The following LDLRAD4 variants were observed in gnomAD, a reference collection of about 807,000 sequenced individuals.
LDLRAD4 encodes low density lipoprotein receptor class A domain containing 4.
Under a neutral mutation model 17.0 loss-of-function variants are expected in LDLRAD4, and 5 were observed. That is an observed-to-expected ratio of 0.29 (90% CI 0.15 to 0.62). LDLRAD4 has a LOEUF of 0.62. Among genes scored for constraint, LDLRAD4 ranks in the 20% least tolerant of loss-of-function variants. LDLRAD4 has a pLI of 0.84. For synonymous variants in LDLRAD4, 168 were observed against 171.8 expected, an observed-to-expected ratio of 0.98 and a Z score of 0.17; for missense variants, 340 against 424.7, an observed-to-expected ratio of 0.80 and a Z score of 1.75.
chr18:13,218,387 G>C (rs1389771266), upstream of LDLRAD4, among the ~76,000 whole-genome samples: 1 of 152,198 alleles, frequency 6.6e-6, no homozygotes, highest in East Asian at 1.9e-4. Flanking sequence ...CCCGTTTTCT[G>C]TTTCCTGGTG....
At chr18:13,446,767 G>A (rs1471331709) in intron 3 of LDLRAD4, among the ~76,000 whole-genome samples, 3 of 152,250 alleles carry the variant, frequency 2.0e-5, no homozygotes, top group East Asian at 1.9e-4. Flanking sequence ...TTCACCTGCT[G>A]CGGGCGCCAA....
At chr18:13,499,505 TGC>T (rs2093572936) in intron 3 of LDLRAD4, among the ~76,000 whole-genome samples, 1 of 70,720 alleles carries the variant, frequency 1.4e-5, no homozygotes, top group African/African-American at 5.7e-5. Flanking sequence ...GAATCCTTCT[TGC>T]CACACACGTC....
chr18:13,604,612 G>T (rs1568394939), intron 3 of LDLRAD4, among the ~76,000 whole-genome samples: 1 of 152,194 alleles, frequency 6.6e-6, no homozygotes, highest in South Asian at 2.1e-4. Flanking sequence ...CCAGAAATAA[G>T]ATGAATTACG....
intron 1 of LDLRAD4, among the ~76,000 whole-genome samples, chr18:13,328,947 C>T (rs189368637): frequency 2.0e-4 from 31 of 152,218 alleles, no homozygotes; most frequent in Admixed American, 1.6e-3. Context: ...CTGTTTTACA[C>T]CTTGCTTTGT....
Position 13,226,777 on chromosome 18 carries a change from G to A in LDLRAD4, c.-467+7789G>A, listed in dbSNP as rs571313481. Reference sequence around the variant, plus strand: ...ATAAAATAGAATTAAATTCTACTCAGGTAGGTTCAGGGCAATAAACATTCT... The same window carrying A: ...ATAAAATAGAATTAAATTCTACTCAAGTAGGTTCAGGGCAATAAACATTCT... On this transcript the variant is annotated intron_variant, in intron 1 of 5. Coordinates refer to the LDLRAD4 transcript ENST00000399848. Among the ~76,000 whole-genome samples, 121 of 148,412 alleles carry A rather than the reference G, an allele frequency of 8.2e-4. 2 individuals carry two copies. In the South Asian group the frequency reaches 0.024, roughly 30 times the overall value.
chr18:13,305,464 A>G (rs2046857642), intron 1 of LDLRAD4, among the ~76,000 whole-genome samples: 1 of 152,254 alleles, frequency 6.6e-6, no homozygotes, highest in Admixed American at 6.5e-5. Context: ...GTTCTTCTCA[A>G]CAGTAAATTT....
At chr18:13,619,001 A>T (rs1601746021) in intron 3 of LDLRAD4, among the ~76,000 whole-genome samples, 2 of 152,226 alleles carry the variant, frequency 1.3e-5, no homozygotes, top group South Asian at 4.1e-4. Flanking sequence ...CAGCCAGTGC[A>T]GCCTTATCCT....
At chr18:13,575,501 G>A (rs990438884) in intron 3 of LDLRAD4, among the ~76,000 whole-genome samples, 11 of 152,174 alleles carry the variant, frequency 7.2e-5, no homozygotes, top group African/African-American at 2.7e-4. Flanking sequence ...CCATATCTTT[G>A]CAGCTGTGAA....
chr18:13,226,180 C>CTCTTTTTTTTTTTTTT (rs71370946), intron 1 of LDLRAD4, among the ~76,000 whole-genome samples: 2 of 52,210 alleles, frequency 3.8e-5, no homozygotes, highest in African/African-American at 1.6e-4. Context: ...CCATGCCTTG[C>CTCTTTTTTTTTTTTTT]TTTTTTTTTT....
chr18:13,305,916 G>A (rs188446251), intron 1 of LDLRAD4, among the ~76,000 whole-genome samples: 4 of 152,264 alleles, frequency 2.6e-5, no homozygotes, highest in East Asian at 1.9e-4. Context: ...TTGAGAAAAA[G>A]CAAAGTCGTT....
intron 1 of LDLRAD4, among the ~76,000 whole-genome samples, chr18:13,232,005 T>G (rs908776132): frequency 2.0e-5 from 3 of 152,216 alleles, no homozygotes; most frequent in African/African-American, 7.2e-5. Flanking sequence ...GGCACCCACC[T>G]AGTCGATGTC....
At chr18:13,567,735 A>C (rs947519987) in intron 3 of LDLRAD4, among the ~76,000 whole-genome samples, 5 of 137,384 alleles carry the variant, frequency 3.6e-5, no homozygotes, top group African/African-American at 1.3e-4. Context: ...AAATTGAGCT[A>C]TGAGAACTTT....
rs117281927 is a variant in LDLRAD4, at chr18:13,563,308, G to A, written c.182-57809G>A. Among the ~76,000 whole-genome samples the A allele has an allele frequency of 6.5e-3, 995 of 152,288 alleles. 11 individuals carry two copies. The highest frequency in any genetic ancestry group is 0.032 in the South Asian group (154 of 4,824). ...GACAGTTAGACCCAGTTTAATTGTG[G>A]ATGGATGGTAGGATTCCAGACACTT... On this transcript the variant is annotated intron_variant, in intron 3 of 5. Transcript: ENST00000359446.
At chr18:13,593,625 T>G (rs1254555964) in intron 3 of LDLRAD4, among the ~76,000 whole-genome samples, 4 of 152,094 alleles carry the variant, frequency 2.6e-5, no homozygotes, top group Admixed American at 1.3e-4. Context: ...TATCTGTCTA[T>G]CTAGCTAGCT....
chr18:13,576,242 G>A (rs2094768306), intron 3 of LDLRAD4, among the ~76,000 whole-genome samples: 2 of 151,972 alleles, frequency 1.3e-5, no homozygotes, highest in Admixed American at 1.3e-4. Flanking sequence ...GGTAACACGG[G>A]GAAACCTGTC....
intron 3 of LDLRAD4, among the ~76,000 whole-genome samples, chr18:13,443,493 G>T (rs1299917135): frequency 3.3e-5 from 5 of 152,082 alleles, no homozygotes; most frequent in Non-Finnish European, 7.4e-5. Flanking sequence ...CTCTATATTA[G>T]AGAATAGTCA....
At chr18:13,257,849 T>A (rs776250002) in intron 1 of LDLRAD4, among the ~76,000 whole-genome samples, 34 of 152,180 alleles carry the variant, frequency 2.2e-4, no homozygotes, top group African/African-American at 8.0e-4. Context: ...GTGCCCAGGT[T>A]GAGAAACCTG....
intron 3 of LDLRAD4, among the ~76,000 whole-genome samples, chr18:13,467,710 A>G (rs371950534): frequency 2.4e-4 from 36 of 152,220 alleles, no homozygotes; most frequent in East Asian, 7.7e-4. Context: ...GAACAAAGTC[A>G]GAGGACTCAC....
At chr18:13,640,159 G>A (rs1297463585) in intron 4 of LDLRAD4, among the ~76,000 whole-genome samples, 1 of 151,962 alleles carries the variant, frequency 6.6e-6, no homozygotes, top group African/African-American at 2.4e-5. Flanking sequence ...TGGGTGTGGT[G>A]GCGGGCGCCT....
Sources: gnomAD v4.1 joint callset for allele counts (sites outside exome capture counted in the v4.1 genomes callset) on GRCh38, gnomAD v4.1.1 for gene constraint, MANE v1.5 for transcripts, NCBI Gene and HGNC (gene_info 2026-07-23, HGNC 2026-07-21) for gene names.